Variants in ADK observed in about 807,000 individuals in gnomAD.
ADK encodes N6,N6-dimethyladenosine kinase.
ADK carries 24 observed loss-of-function variants against 44.7 expected under a neutral mutation model. The observed-to-expected ratio is 0.54, with a 90% CI of 0.39 to 0.76. The LOEUF (loss-of-function observed/expected upper bound fraction) is 0.76, where lower values mean the gene tolerates loss of function less well. Ranked by LOEUF, ADK falls within the 30% of genes least tolerant of loss-of-function variation. The pLI, the probability that ADK is intolerant of heterozygous loss-of-function variation, is 0.00. For synonymous variants in ADK, 128 were observed against 142.6 expected, an observed-to-expected ratio of 0.90 and a Z score of 0.73; for missense variants, 321 against 425.1, an observed-to-expected ratio of 0.76 and a Z score of 2.15.
At chr10:74,442,862 C>G (rs944963789) in intron 6 of ADK, among the ~76,000 whole-genome samples, 1 of 152,088 alleles carries the variant, frequency 6.6e-6, no homozygotes, top group African/African-American at 2.4e-5. Flanking sequence ...CCATTTGCAA[C>G]AACATAGGTG....
At chr10:74,236,294 GA>G (rs1844957047) in intron 3 of ADK, among the ~76,000 whole-genome samples, 1 of 152,146 alleles carries the variant, frequency 6.6e-6, no homozygotes, top group South Asian at 2.1e-4. Context: ...AGAAAGAACT[GA>G]AGTACATATG....
intron 7 of ADK, among the ~76,000 whole-genome samples, chr10:74,574,571 A>C (rs1431201904): frequency 6.6e-6 from 1 of 152,208 alleles, no homozygotes. Context: ...TGGACTGCAT[A>C]CATCGTTGAA....
At position 74,505,179 on chromosome 10, in the gene ADK, T is replaced by C. The variant is rs75442535; in HGVS notation, c.556-20077T>C. 2.1e-3 allele frequency among the ~76,000 whole-genome samples: 319 copies of C among 152,264 alleles called. 1 individual carries two copies. The highest frequency in any genetic ancestry group is 7.1e-3 in the African/African-American group (294 of 41,546). ...GAAATACGTTGTAATTTCTGTCTTA[T>C]TTTTCATTTCCCTAAAAATGTTACT... On this transcript the variant is annotated intron_variant, in intron 6 of 10. Transcript: ENST00000539909.
intron 4 of ADK, among the ~76,000 whole-genome samples, chr10:74,349,135 A>T (rs1342918227): frequency 6.6e-6 from 1 of 152,160 alleles, no homozygotes; most frequent in Non-Finnish European, 1.5e-5. Flanking sequence ...GGTTGAAATG[A>T]AGGAAAAAAT....
chr10:74,394,668 T>A (rs1843446434), intron 5 of ADK, among the ~76,000 whole-genome samples: 1 of 152,068 alleles, frequency 6.6e-6, no homozygotes, highest in Non-Finnish European at 1.5e-5. Flanking sequence ...TTTCACCATA[T>A]CCTGAGGTTG....
intron 6 of ADK, among the ~76,000 whole-genome samples, chr10:74,431,320 A>G (rs1392629929): frequency 5.3e-5 from 8 of 152,218 alleles, no homozygotes; most frequent in Admixed American, 2.6e-4. Flanking sequence ...TAGGAAATGT[A>G]GTTATCACAT....
intron 7 of ADK, among the ~76,000 whole-genome samples, chr10:74,561,841 C>T (rs1043157395): frequency 5.3e-5 from 8 of 152,190 alleles, no homozygotes; most frequent in Non-Finnish European, 7.3e-5. Context: ...AGTCCCTCAG[C>T]TCAGGGAAAG....
chr10:74,544,264 A>G (rs747439731), intron 7 of ADK, among the ~76,000 whole-genome samples: 99 of 152,212 alleles, frequency 6.5e-4, no homozygotes, highest in Non-Finnish European at 5.3e-4. Flanking sequence ...AGTTCCAATT[A>G]TTTAATCACA....
At chr10:74,188,343 A>ATTTTTTTT (rs765922880) in intron 1 of ADK, among the ~76,000 whole-genome samples, 46 of 81,338 alleles carry the variant, frequency 5.7e-4, no homozygotes, top group Non-Finnish European at 8.3e-4. Context: ...TGTATTTTTA[A>ATTTTTTTT]TTTTTTTTTT....
intron 6 of ADK, among the ~76,000 whole-genome samples, chr10:74,423,238 A>C (rs1844633526): frequency 6.6e-6 from 1 of 152,240 alleles, no homozygotes; most frequent in Admixed American, 6.5e-5. Context: ...AAATTGAATT[A>C]GTATTTGTAC....
chr10:74,594,018 C>T (rs1044360367), intron 8 of ADK, among the ~76,000 whole-genome samples: 1 of 152,018 alleles, frequency 6.6e-6, no homozygotes, highest in African/African-American at 2.4e-5. Flanking sequence ...TTTAGGAATC[C>T]AGTTCATGTT....
intron 4 of ADK, among the ~76,000 whole-genome samples, chr10:74,317,780 T>TTTTG (rs754241756): frequency 6.6e-6 from 1 of 152,080 alleles, no homozygotes; most frequent in African/African-American, 2.4e-5. Flanking sequence ...TTTCTGGTTT[T>TTTTG]TTTGTTTGTT....
intron 2 of ADK, among the ~76,000 whole-genome samples, chr10:74,210,547 T>C (rs1564595131): frequency 6.6e-6 from 1 of 151,750 alleles, no homozygotes; most frequent in African/African-American, 2.4e-5. Context: ...TGCCAGCTAC[T>C]TGGGAGGCTT....
At chr10:74,410,958 G>T (rs892005899) in intron 6 of ADK, among the ~76,000 whole-genome samples, 1 of 152,028 alleles carries the variant, frequency 6.6e-6, no homozygotes, top group Admixed American at 6.6e-5. Context: ...TTAAAGAGGT[G>T]GGATAGCTAA....
At chr10:74,438,752 G>T (rs1845282512) in intron 6 of ADK, among the ~76,000 whole-genome samples, 1 of 151,662 alleles carries the variant, frequency 6.6e-6, no homozygotes, top group African/African-American at 2.4e-5. Context: ...CCTCTTTTTA[G>T]GTTGTATAAT....
intron 9 of ADK, among the ~76,000 whole-genome samples, chr10:74,607,793 G>A (rs2133984576): frequency 6.6e-6 from 1 of 152,192 alleles, no homozygotes; most frequent in African/African-American, 2.4e-5. Flanking sequence ...GCTAGATTGG[G>A]GAAGCTTTCT....
At chr10:74,184,647 T>G (rs1842683490) in intron 1 of ADK, among the ~76,000 whole-genome samples, 1 of 152,068 alleles carries the variant, frequency 6.6e-6, no homozygotes, top group Non-Finnish European at 1.5e-5. Context: ...CTCAGCCACC[T>G]AAAGTGCTGG....
chr10:74,605,569 C>A (rs1852291757), intron 9 of ADK, among the ~76,000 whole-genome samples: 1 of 152,096 alleles, frequency 6.6e-6, no homozygotes, highest in Non-Finnish European at 1.5e-5. Context: ...TATGTTGAAC[C>A]AGCCTTGCAT....
intron 9 of ADK, among the ~76,000 whole-genome samples, chr10:74,612,431 T>C (rs1306870096): frequency 1.3e-5 from 2 of 152,122 alleles, no homozygotes; most frequent in Non-Finnish European, 2.9e-5. Flanking sequence ...GTATGTCTTA[T>C]TTTGAGAAGC....
Sources: allele counts gnomAD v4.1 joint callset (sites outside exome capture counted in the v4.1 genomes callset), GRCh38; gene constraint gnomAD v4.1.1; transcripts MANE v1.5; gene names NCBI Gene and HGNC (gene_info 2026-07-23, HGNC 2026-07-21).